The following MED12L variants were observed in gnomAD, a reference collection of about 807,000 sequenced individuals.
MED12L encodes the protein mediator complex subunit 12L, also known as mediator of RNA polymerase II transcription subunit 12-like protein.
Under a neutral mutation model 281.3 loss-of-function variants are expected in MED12L, and 60 were observed. That is an observed-to-expected ratio of 0.21 (90% CI 0.17 to 0.26). MED12L has a LOEUF of 0.26. MED12L is among the 10% of genes least tolerant of loss of function. The pLI, the probability that MED12L is intolerant of heterozygous loss-of-function variation, is 1.00. For synonymous variants in MED12L, 974 were observed against 987.2 expected, an observed-to-expected ratio of 0.99 and a Z score of 0.25; for missense variants, 2,146 against 2,680.9, an observed-to-expected ratio of 0.80 and a Z score of 4.41.
At chr3:151,345,833 A>T (rs73006580) in intron 16 of MED12L, among the ~76,000 whole-genome samples, 3,695 of 152,218 alleles carry the variant, frequency 0.024, 148 homozygotes, top group African/African-American at 0.086. Flanking sequence ...TTCTACTTGT[A>T]TGAAAAACTG....
intron 16 of MED12L, among the ~76,000 whole-genome samples, chr3:151,345,059 G>A (rs6440738): frequency 0.4 from 60,100 of 152,128 alleles, 12,150 homozygotes; most frequent in African/African-American, 0.47. Context: ...CAACAAGCCT[G>A]CCAGGGTTTT....
chr3:151,350,412 G>A (rs866117666), intron 17 of MED12L, among the ~76,000 whole-genome samples: 1 of 151,730 alleles, frequency 6.6e-6, no homozygotes, highest in African/African-American at 2.4e-5. Flanking sequence ...TTAATACAAG[G>A]TATTAATATT....
chr3:151,164,593 C>A (rs1426657682), intron 9 of MED12L, among the ~76,000 whole-genome samples: 1 of 152,086 alleles, frequency 6.6e-6, no homozygotes, highest in Non-Finnish European at 1.5e-5. Flanking sequence ...AGACTTGGAA[C>A]CAACCCAAAT....
chr3:151,390,215 C>T, intron 38 of MED12L, 80 bp downstream of exon 38: 1 of 1,410,770 alleles, frequency 7.1e-7, no homozygotes, highest in South Asian at 1.2e-5. Flanking sequence ...GAAACCTCCA[C>T]AAAACTTGGA....
At chr3:151,266,414 T>A (rs1460407638) in intron 16 of MED12L, among the ~76,000 whole-genome samples, 1 of 152,248 alleles carries the variant, frequency 6.6e-6, no homozygotes, top group African/African-American at 2.4e-5. Flanking sequence ...GAAAGCAGTT[T>A]AGTGTTGAGC....
At chr3:151,386,473 T>G (rs531087554) in intron 36 of MED12L, among the ~76,000 whole-genome samples, 1 of 152,296 alleles carries the variant, frequency 6.6e-6, no homozygotes, top group South Asian at 2.1e-4. Context: ...CACTGCAACC[T>G]CTGTCTCTCG....
Position 151,333,285 on chromosome 3 carries a change from C to T in MED12L, c.2251-16774C>T, listed in dbSNP as rs553986800. 1.5e-4 allele frequency among the ~76,000 whole-genome samples: 23 copies of T among 152,242 alleles called. 1 individual carries two copies. The South Asian group carries it at 4.4e-3, about 29-fold the overall frequency. Reference sequence around the variant, plus strand: ...CCAGTCATGGGATTGCTGGGTTGAACGGTAATTCTGTTTTAAGTCCTTTGA... The same window carrying T: ...CCAGTCATGGGATTGCTGGGTTGAATGGTAATTCTGTTTTAAGTCCTTTGA... On this transcript the variant is annotated intron_variant, in intron 16 of 44. Coordinates refer to ENST00000687756, the MANE Select transcript of MED12L (RefSeq NM_001393769.1).
intron 2 of MED12L, among the ~76,000 whole-genome samples, chr3:151,095,662 C>T (rs1022987706): frequency 6.6e-6 from 1 of 152,220 alleles, no homozygotes; most frequent in Non-Finnish European, 1.5e-5. Flanking sequence ...AGATGGCAGA[C>T]ACTTTGTTGG....
chr3:151,161,503 G>C (rs1000390001), intron 8 of MED12L, among the ~76,000 whole-genome samples: 1 of 152,138 alleles, frequency 6.6e-6, no homozygotes, highest in Non-Finnish European at 1.5e-5. Context: ...GACCGGGAAG[G>C]TTGGCCAGAC....
chr3:151,272,055 C>T lies in MED12L; in HGVS notation c.2251-78004C>T, dbSNP rs184329241. On this transcript the variant is annotated intron_variant, in intron 16 of 44. Coordinates refer to ENST00000687756, the MANE Select transcript of MED12L (RefSeq NM_001393769.1). ...CACAAAACTTGCTCTTGAAGCAATACAGATGTTGAGCATACACAGAGCAGA... is the reference window on the plus strand; with the variant it reads ...CACAAAACTTGCTCTTGAAGCAATATAGATGTTGAGCATACACAGAGCAGA... Among the ~76,000 whole-genome samples, 29 of 152,288 alleles carry T rather than the reference C, an allele frequency of 1.9e-4. No homozygotes were observed. The East Asian group carries it at 5.6e-3, about 29-fold the overall frequency.
intron 2 of MED12L, among the ~76,000 whole-genome samples, chr3:151,112,744 G>A (rs1053314566): frequency 6.6e-6 from 1 of 152,176 alleles, no homozygotes; most frequent in Non-Finnish European, 1.5e-5. Context: ...AGGATGGTGT[G>A]TGGGGTTTGA....
At chr3:151,199,121 A>G in intron 16 of MED12L, 1 of 1,614,144 alleles carries the variant, frequency 6.2e-7, no homozygotes, top group Non-Finnish European at 8.5e-7. Context: ...GCAGGCTGTT[A>G]CTTGGCAGTG....
At chr3:151,172,520 T>G (rs1721564730) in intron 11 of MED12L, among the ~76,000 whole-genome samples, 1 of 152,218 alleles carries the variant, frequency 6.6e-6, no homozygotes, top group Admixed American at 6.5e-5. Context: ...ACAGCCAGGA[T>G]CTTTTGGGCT....
intron 1 of MED12L, among the ~76,000 whole-genome samples, 179 bp downstream of exon 1, chr3:151,086,115 C>T (rs945715477): frequency 6.6e-6 from 1 of 152,208 alleles, no homozygotes; most frequent in Non-Finnish European, 1.5e-5. Context: ...CGGCCCCACG[C>T]CACCGTGAGC....
intron 16 of MED12L, among the ~76,000 whole-genome samples, chr3:151,312,570 G>A (rs932294311): frequency 6.6e-6 from 1 of 152,096 alleles, no homozygotes; most frequent in African/African-American, 2.4e-5. Flanking sequence ...AGTTTCTCTG[G>A]TGGTCAAGAG....
In MED12L at chr3:151,271,498, T is replaced by C. The variant is rs550608430; in HGVS notation, c.2250+77832T>C. ...CCTTGTGACCTAGTAATTTCACTCC[T>C]AGGTGTTTACCCAGGAGAAGTGAAA... On this transcript the variant is annotated intron_variant, in intron 16 of 44. Coordinates refer to ENST00000687756, the MANE Select transcript of MED12L (RefSeq NM_001393769.1). 3.9e-5 allele frequency among the ~76,000 whole-genome samples: 6 copies of C among 152,330 alleles called. No individual in the cohort carries two copies. The South Asian group carries it at 1.2e-3, about 32-fold the overall frequency.
rs140070980 is a variant in MED12L at position 151,372,428 on chromosome 3, C to T, written c.3665-139C>T. On this transcript the variant is annotated intron_variant, in intron 26 of 44. Coordinates refer to ENST00000687756, the MANE Select transcript of MED12L (RefSeq NM_001393769.1). ...CATTTATGCTCTTGATCCATTCTCT[C>T]TATTCCTGAACAACTGGCTATTCAA... 3.5e-3 allele frequency: 2,254 copies of T among 649,008 alleles called. 33 individuals are homozygous for T. In the African/African-American group the frequency reaches 0.036, roughly 10 times the overall value. 40.2% of individuals were successfully genotyped at this position (649,008 alleles called of 1,614,324 possible).
At chr3:151,105,751 C>T (rs73013000) in intron 2 of MED12L, among the ~76,000 whole-genome samples, 6,137 of 152,184 alleles carry the variant, frequency 0.04, 408 homozygotes, top group African/African-American at 0.14. Flanking sequence ...AGACAACTCA[C>T]GACTTTAAGA....
chr3:151,088,073 C>T (rs1030731573), intron 2 of MED12L, among the ~76,000 whole-genome samples: 13 of 152,154 alleles, frequency 8.5e-5, no homozygotes, highest in African/African-American at 3.1e-4. Context: ...GCCTTGTAAA[C>T]CAGGCAAGGA....
Sources: gnomAD v4.1 joint callset for allele counts (sites outside exome capture counted in the v4.1 genomes callset) on GRCh38, gnomAD v4.1.1 for gene constraint, MANE v1.5 for transcripts, NCBI Gene and HGNC (gene_info 2026-07-23, HGNC 2026-07-21) for gene names.